Variants in SLCO2B1 observed in about 807,000 individuals in gnomAD.
SLCO2B1 encodes OATP-RP2.
SLCO2B1 carries 41 observed loss-of-function variants against 67.3 expected under a neutral mutation model. The observed-to-expected ratio is 0.61, with a 90% CI of 0.47 to 0.79. The LOEUF is 0.79. SLCO2B1 is among the 30% of genes least tolerant of loss of function. The probability of loss-of-function intolerance (pLI) is 0.00; values close to 1 mark genes in which losing one functional copy is unlikely to be tolerated. For synonymous variants in SLCO2B1, 379 were observed against 381.4 expected, an observed-to-expected ratio of 0.99 and a Z score of 0.07; for missense variants, 837 against 920.1, an observed-to-expected ratio of 0.91 and a Z score of 1.17.
At chr11:75,192,483 G>T (rs1945036681) in intron 8 of SLCO2B1, among the ~76,000 whole-genome samples, 1 of 152,150 alleles carries the variant, frequency 6.6e-6, no homozygotes. Flanking sequence ...GCCTGTGTTT[G>T]GGATGCGAAG....
intron 7 of SLCO2B1, among the ~76,000 whole-genome samples, chr11:75,183,865 G>A (rs138987755): frequency 6.6e-6 from 1 of 152,286 alleles, no homozygotes; most frequent in African/African-American, 2.4e-5. Context: ...TCTGAGTCCT[G>A]CCACTCTCTA....
chr11:75,185,093 G>A (rs1950133405), intron 7 of SLCO2B1, among the ~76,000 whole-genome samples: 1 of 152,224 alleles, frequency 6.6e-6, no homozygotes, highest in Admixed American at 6.5e-5. Flanking sequence ...TCGTCCTGCT[G>A]GGACAGGCCA....
At chr11:75,163,145 C>T (rs749552966) in intron 2 of SLCO2B1, among the ~76,000 whole-genome samples, 12 of 152,164 alleles carry the variant, frequency 7.9e-5, no homozygotes, top group Non-Finnish European at 1.8e-4. Context: ...GAACATCCAA[C>T]GTCCACTGGA....
At chr11:75,190,392 C>T (rs935752635) in intron 8 of SLCO2B1, among the ~76,000 whole-genome samples, 5 of 152,126 alleles carry the variant, frequency 3.3e-5, no homozygotes, top group Non-Finnish European at 7.4e-5. Flanking sequence ...CAGGGAAGGC[C>T]GAGGGAGGAG....
intron 11 of SLCO2B1, 197 bp from the exon 12 acceptor site, chr11:75,202,704 T>C: frequency 1.6e-6 from 1 of 609,244 alleles, no homozygotes; most frequent in Non-Finnish European, 2.9e-6. Flanking sequence ...TGTTGTCTTG[T>C]ATATGGGACC....
chr11:75,175,552 C>A (rs981805789), intron 7 of SLCO2B1, among the ~76,000 whole-genome samples: 1 of 151,960 alleles, frequency 6.6e-6, no homozygotes, highest in Non-Finnish European at 1.5e-5. Context: ...TAAAGGTATC[C>A]GGGAGATTGG....
Position 75,205,119 on chromosome 11 carries a change from G to GC in SLCO2B1, c.*544dup. The GC allele has an allele frequency of 6.5e-6, 1 of 152,692 alleles. No homozygotes were observed. The highest frequency in any genetic ancestry group is 1.5e-5 in the Non-Finnish European group (1 of 68,344). The allele number at this position is 152,692 out of a possible 1,614,324, so 9.5% of individuals were successfully genotyped here. A position where few individuals can be genotyped will look rare whatever the true frequency, so the allele number is the denominator to read the frequency against. Reference sequence around the variant, plus strand: ...AGCCTTTAAGAAGTGTCCCTTTGGCGCCCCCTGGAGGCAGAGCACTGAGCT... The same window carrying GC: ...AGCCTTTAAGAAGTGTCCCTTTGGCGCCCCCCTGGAGGCAGAGCACTGAGCT... On this transcript the variant is annotated 3_prime_UTR_variant, in exon 14 of 14. Transcript: ENST00000289575.
intron 8 of SLCO2B1, among the ~76,000 whole-genome samples, chr11:75,192,166 G>C (rs906349825): frequency 6.6e-6 from 1 of 152,068 alleles, no homozygotes; most frequent in African/African-American, 2.4e-5. Flanking sequence ...GCACCAAGCA[G>C]ACTCAGATTT....
At chr11:75,192,060 C>T (rs186356708) in intron 8 of SLCO2B1, among the ~76,000 whole-genome samples, 38 of 152,186 alleles carry the variant, frequency 2.5e-4, no homozygotes, top group African/African-American at 8.9e-4. Context: ...CCTCCTGGGC[C>T]CCTACTCAAT....
At chr11:75,188,099 A>G (rs1944964804) in intron 7 of SLCO2B1, 37 bp from the exon 8 acceptor site, 2 of 1,495,358 alleles carry the variant, frequency 1.3e-6, no homozygotes, top group Non-Finnish European at 9.3e-7. Context: ...GGTTGCTGGC[A>G]TCCAGCGGAC....
chr11:75,186,212 AT>A lies in SLCO2B1; in HGVS notation c.973-1910del, dbSNP rs761648712. On this transcript the variant is annotated intron_variant, in intron 7 of 13. Transcript: ENST00000289575. ...TGGTGTGTGCCACCACACCTGGCTG[AT>A]TTTTTTTTTTTTTGAGAGGGAGTCT... is the stretch of plus-strand genomic sequence containing the variant. Among the ~76,000 whole-genome samples the A allele has an allele frequency of 6.3e-3, 889 of 141,822 alleles. 7 individuals are homozygous for A. Among genetic ancestry groups the A allele is most frequent in the East Asian group, 0.029 (144 of 4,900 alleles). The allele number at this position is 141,822 out of a possible 152,430, so 93.0% of individuals were successfully genotyped here. A position where few individuals can be genotyped will look rare whatever the true frequency, so the allele number is the denominator to read the frequency against.
At chr11:75,195,502 G>A (rs1565549223) in intron 9 of SLCO2B1, among the ~76,000 whole-genome samples, 1 of 151,434 alleles carries the variant, frequency 6.6e-6, no homozygotes, top group Non-Finnish European at 1.5e-5. Context: ...CCCCAGGGAG[G>A]GAGAGGAGCT....
At chr11:75,198,079 G>C (rs1021064157) in intron 10 of SLCO2B1, among the ~76,000 whole-genome samples, 4 of 152,202 alleles carry the variant, frequency 2.6e-5, no homozygotes, top group Admixed American at 1.3e-4. Context: ...GGCTCCTCCA[G>C]GGAGAGACCT....
At chr11:75,158,071 ATTAT>A (rs1202687675) in intron 1 of SLCO2B1, among the ~76,000 whole-genome samples, 2 of 152,084 alleles carry the variant, frequency 1.3e-5, no homozygotes, top group Non-Finnish European at 2.9e-5. Context: ...ATTAAATTAA[ATTAT>A]TTATTTATTT....
intron 7 of SLCO2B1, among the ~76,000 whole-genome samples, chr11:75,177,323 G>A (rs1758703774): frequency 6.6e-6 from 1 of 152,200 alleles, no homozygotes; most frequent in Admixed American, 6.5e-5. Flanking sequence ...GTCCAATACT[G>A]CCATTTGTCA....
At chr11:75,170,599 CGT>C (rs1335845037) in intron 6 of SLCO2B1, among the ~76,000 whole-genome samples, 5 of 152,176 alleles carry the variant, frequency 3.3e-5, no homozygotes, top group African/African-American at 7.2e-5. Flanking sequence ...CCTCAGGTGA[CGT>C]GTGTGTGGCT....
At chr11:75,197,781 G>A (rs2140342559) in intron 10 of SLCO2B1, among the ~76,000 whole-genome samples, 1 of 152,324 alleles carries the variant, frequency 6.6e-6, no homozygotes, top group South Asian at 2.1e-4. Flanking sequence ...GGGAGCTGAG[G>A]ACTCAGAGCC....
At chr11:75,163,934 C>G in intron 2 of SLCO2B1, 29 bp from the exon 3 acceptor site, 2 of 1,580,358 alleles carry the variant, frequency 1.3e-6, no homozygotes, top group Non-Finnish European at 1.7e-6. Context: ...GCACCGCCCA[C>G]CTCTGCCTGC....
rs189627257 is a variant in SLCO2B1, at chr11:75,195,479, G to A, written c.1434-1035G>A. On this transcript the variant is annotated intron_variant, in intron 9 of 13. Transcript: ENST00000289575. ...GATGATCTTCCTTCCCTCTCTGATAGAGTGCCCCCTCACCCCAGGGAGGGA... is the reference window on the plus strand; with the variant it reads ...GATGATCTTCCTTCCCTCTCTGATAAAGTGCCCCCTCACCCCAGGGAGGGA... Among the ~76,000 whole-genome samples, 28 of 152,114 alleles carry A rather than the reference G, an allele frequency of 1.8e-4. No individual in the cohort carries two copies. In the East Asian group the frequency reaches 4.7e-3, roughly 25 times the overall value.
Sources: gnomAD v4.1 joint callset for allele counts (sites outside exome capture counted in the v4.1 genomes callset) on GRCh38, gnomAD v4.1.1 for gene constraint, MANE v1.5 for transcripts, NCBI Gene and HGNC (gene_info 2026-07-23, HGNC 2026-07-21) for gene names.